The following SPAM1 variants were observed in gnomAD, a reference collection of about 807,000 sequenced individuals.
SPAM1 encodes hyaluronidase PH-20.
SPAM1 carries 22 observed loss-of-function variants against 29.6 expected under a neutral mutation model. The ratio of observed to expected loss-of-function variants is 0.74; its 90% CI spans 0.53 to 1.06. The LOEUF is 1.06. SPAM1 is among the 50% of genes least tolerant of loss of function. SPAM1 has a pLI of 0.00. For missense variants in SPAM1, 534 were observed against 604.0 expected, an observed-to-expected ratio of 0.88 and a Z score of 1.21; for synonymous variants, 194 against 204.6, an observed-to-expected ratio of 0.95 and a Z score of 0.44.
chr7:123,928,582 G>A (rs1807969901), intron 1 of SPAM1, among the ~76,000 whole-genome samples: 1 of 152,156 alleles, frequency 6.6e-6, no homozygotes, highest in African/African-American at 2.4e-5. Context: ...TCCAACAGCT[G>A]AATAGAATTA....
Position 123,953,642 on chromosome 7 carries a change from T to A in SPAM1, c.72T>A (p.Val24=). The A allele has an allele frequency of 6.2e-7, 1 of 1,612,940 alleles. No individual in the cohort carries two copies. The highest frequency in any genetic ancestry group is 8.5e-7 in the Non-Finnish European group (1 of 1,179,512). Residue 24 remains valine (V), a synonymous_variant, in exon 3 of 5, where the codon GTT becomes GTA. Coordinates refer to ENST00000682466, the MANE Select transcript of SPAM1 (RefSeq NM_153189.3). ...AATCAAGTGGAGTATCCCAGATAGT[T>A]TTCACCTTCCTTCTGATTCCATGTT... ...FVKSSGVSQI[V]FTFLLIPCCL...
At chr7:123,937,290 A>G (rs1000737071) in intron 1 of SPAM1, among the ~76,000 whole-genome samples, 4 of 152,130 alleles carry the variant, frequency 2.6e-5, no homozygotes, top group African/African-American at 9.7e-5. Flanking sequence ...TACACTTTAG[A>G]GTCACATAGC....
At chr7:123,944,494 T>C (rs758419522) in intron 1 of SPAM1, among the ~76,000 whole-genome samples, 2 of 152,190 alleles carry the variant, frequency 1.3e-5, no homozygotes, top group Non-Finnish European at 2.9e-5. Flanking sequence ...ATCTGTTTGT[T>C]AGGCCCAGTT....
chr7:123,925,823 G>C (rs1272264107), intron 1 of SPAM1: 1 of 151,974 alleles, frequency 6.6e-6, no homozygotes, highest in Non-Finnish European at 1.5e-5. Flanking sequence ...GAGGTGCTGT[G>C]TCTTATTAAG....
chr7:123,944,186 G>A (rs916085265), intron 1 of SPAM1, among the ~76,000 whole-genome samples: 1 of 152,010 alleles, frequency 6.6e-6, no homozygotes, highest in African/African-American at 2.4e-5. Context: ...GAATTGAATA[G>A]TTTTAGTTTC....
At chr7:123,958,525 G>A (rs539663240) in intron 4 of SPAM1, among the ~76,000 whole-genome samples, 15 of 151,950 alleles carry the variant, frequency 9.9e-5, no homozygotes, top group Non-Finnish European at 2.2e-4. Context: ...CCTTTTCCAT[G>A]CTATTTAAAC....
At chr7:123,967,519 G>A (rs561235067) in intron 5 of SPAM1, among the ~76,000 whole-genome samples, 1 of 152,020 alleles carries the variant, frequency 6.6e-6, no homozygotes, top group Admixed American at 6.6e-5. Context: ...TATATTCTTA[G>A]TAGGTATGCT....
chr7:123,927,280 T>C (rs545983664), intron 1 of SPAM1, among the ~76,000 whole-genome samples: 103 of 152,246 alleles, frequency 6.8e-4, no homozygotes, highest in Non-Finnish European at 1.2e-3. Flanking sequence ...CCTATTCTTT[T>C]CATGGCAATA....
chr7:123,957,973 T>C (rs2117068348), intron 4 of SPAM1, among the ~76,000 whole-genome samples: 1 of 152,152 alleles, frequency 6.6e-6, no homozygotes, highest in East Asian at 1.9e-4. Context: ...CTCATGTAAT[T>C]ACATTGAGTC....
chr7:123,945,658 G>A (rs1353003695), intron 1 of SPAM1, among the ~76,000 whole-genome samples: 1 of 152,180 alleles, frequency 6.6e-6, no homozygotes, highest in Non-Finnish European at 1.5e-5. Flanking sequence ...AGTTCTTTAG[G>A]GGGTTTGAGT....
chr7:123,961,971 A>G (rs184876752), downstream of SPAM1, among the ~76,000 whole-genome samples: 2 of 152,070 alleles, frequency 1.3e-5, no homozygotes, highest in African/African-American at 2.4e-5. Flanking sequence ...ACCGTGATTC[A>G]ATTATCTCCC....
At chr7:123,950,387 A>G (rs1407420534) in intron 2 of SPAM1, among the ~76,000 whole-genome samples, 3 of 152,018 alleles carry the variant, frequency 2.0e-5, no homozygotes, top group African/African-American at 2.4e-5. Context: ...TGTACCCAAT[A>G]GGTAATTTTT....
downstream of SPAM1, among the ~76,000 whole-genome samples, chr7:123,965,023 T>C (rs1013258316): frequency 2.6e-5 from 4 of 152,024 alleles, no homozygotes; most frequent in Admixed American, 1.3e-4. Flanking sequence ...CTGTTTATTA[T>C]ACAACAATCA....
At chr7:123,950,249 C>T (rs535727926) in intron 2 of SPAM1, among the ~76,000 whole-genome samples, 1 of 152,024 alleles carries the variant, frequency 6.6e-6, no homozygotes, top group East Asian at 1.9e-4. Context: ...GTATCTTTTT[C>T]ATTAAAAGAC....
chr7:123,953,894 A>G lies in SPAM1; in HGVS notation c.324A>G (p.Val108=). 1 of 1,613,432 alleles carries G rather than the reference A, an allele frequency of 6.2e-7. No individual in the cohort carries two copies. Among genetic ancestry groups the G allele is most frequent in the Non-Finnish European group, 8.5e-7 (1 of 1,179,502 alleles). The change falls in exon 3 of 5, where the codon GTA becomes GTG. Residue 108 remains valine (V), a synonymous_variant. Coordinates refer to ENST00000682466, the MANE Select transcript of SPAM1 (RefSeq NM_153189.3). The stretch of plus-strand genomic sequence containing the variant: ...CTTACATAGATTCAATCACAGGAGT[A>G]ACTGTGAATGGAGGAATCCCCCAGA... ...YYPYIDSITG[V]TVNGGIPQKI...
rs192331872 is a variant in SPAM1, at chr7:123,931,590, G to A, written c.-319+6238G>A. On this transcript the variant is annotated intron_variant, in intron 1 of 4. Coordinates refer to ENST00000682466, the MANE Select transcript of SPAM1 (RefSeq NM_153189.3). ...TCTTCATACTTTGCTGAACTGAAGC[G>A]TAAAAATAGACAATTTCCCCTCTGT... 1.2e-4 allele frequency among the ~76,000 whole-genome samples: 19 copies of A among 152,288 alleles called. No homozygotes were observed. The East Asian group carries it at 2.5e-3, about 20-fold the overall frequency.
intron 1 of SPAM1, among the ~76,000 whole-genome samples, chr7:123,949,448 C>T (rs1056708590): frequency 2.0e-5 from 3 of 151,972 alleles, no homozygotes; most frequent in African/African-American, 7.2e-5. Context: ...TTTTATTTCA[C>T]TTTGTATTTT....
Position 123,960,010 on chromosome 7 carries a change from A to G in SPAM1, c.*41A>G. On this transcript the variant is annotated 3_prime_UTR_variant, in exon 5 of 5. Transcript: ENST00000682466. ...GAAATGAACAATATGTCCATCTTAAAGTGTGCTTTTTCGACTAATTAAATC... is the reference window on the plus strand; with the variant it reads ...GAAATGAACAATATGTCCATCTTAAGGTGTGCTTTTTCGACTAATTAAATC... 6.5e-7 allele frequency: 1 copy of G among 1,538,678 alleles called. No individual in the cohort carries two copies. The highest frequency in any genetic ancestry group is 8.7e-7 in the Non-Finnish European group (1 of 1,151,024).
Position 123,954,210 on chromosome 7 carries a change from C to A in SPAM1, c.640C>A (p.His214Asn). 1 of 1,613,550 alleles carries A rather than the reference C, an allele frequency of 6.2e-7. No individual in the cohort carries two copies. Among genetic ancestry groups the A allele is most frequent in the Non-Finnish European group, 8.5e-7 (1 of 1,179,742 alleles). ...ATTGGGAAAATTACTTCGGCCAAAT[C>A]ACTTGTGGGGTTATTATCTTTTTCC... ...IKLGKLLRPNHLWGYYLFPDC... is the reference protein window; with the variant it reads ...IKLGKLLRPNNLWGYYLFPDC... The change falls in exon 3 of 5, where the codon CAC (histidine) becomes AAC (asparagine). Residue 214 changes from histidine to asparagine, a missense_variant. His to Asn is a moderately conservative substitution (Grantham distance 68). Coordinates refer to ENST00000682466, the MANE Select transcript of SPAM1 (RefSeq NM_153189.3).
Sources: gnomAD v4.1 joint callset for allele counts (sites outside exome capture counted in the v4.1 genomes callset) on GRCh38, gnomAD v4.1.1 for gene constraint, MANE v1.5 for transcripts, NCBI Gene and HGNC (gene_info 2026-07-23, HGNC 2026-07-21) for gene names.